KDM6A: variants seen among roughly 807,000 people sequenced by gnomAD.
KDM6A encodes lysine demethylase 6A.
A neutral mutation model predicts 117.6 loss-of-function variants in KDM6A; 11 were observed. The ratio of observed to expected loss-of-function variants is 0.09; its 90% CI spans 0.06 to 0.15. The LOEUF is 0.15. Ranked by LOEUF, KDM6A falls within the 10% of genes least tolerant of loss-of-function variation. KDM6A has a pLI of 1.00. For missense variants in KDM6A, 799 were observed against 1,077.3 expected, an observed-to-expected ratio of 0.74 and a Z score of 3.62; for synonymous variants, 384 against 396.1, an observed-to-expected ratio of 0.97 and a Z score of 0.36.
chrX:44,972,334 C>A (rs763417972), intron 3 of KDM6A, among the ~76,000 whole-genome samples: 1 of 111,183 alleles, frequency 9.0e-6, no homozygotes, highest in East Asian at 2.8e-4. Context: ...GCATCCTCCT[C>A]CCTTCCTCTG....
intron 2 of KDM6A, among the ~76,000 whole-genome samples, chrX:44,960,724 G>T (rs1330554395): frequency 8.9e-6 from 1 of 111,773 alleles, no homozygotes; most frequent in Non-Finnish European, 1.9e-5. Flanking sequence ...TAGGAAGTAA[G>T]ATCAGAAGCA....
chrX:44,963,503 G>GTCTGTC (rs766681845), intron 3 of KDM6A, among the ~76,000 whole-genome samples: 29 of 101,752 alleles, frequency 2.9e-4, no homozygotes, highest in East Asian at 1.3e-3. Flanking sequence ...GTCTGTCTCT[G>GTCTGTC]TCTGTCTGTC....
chrX:44,928,789 GTTTAC>G (rs1326761531), intron 2 of KDM6A, among the ~76,000 whole-genome samples: 3 of 111,062 alleles, frequency 2.7e-5, no homozygotes, highest in Non-Finnish European at 1.9e-5. Flanking sequence ...GGCATTTTTT[GTTTAC>G]TTTATACTTA....
At chrX:45,067,602 T>G (rs2044584079) in intron 17 of KDM6A, among the ~76,000 whole-genome samples, 1 of 110,141 alleles carries the variant, frequency 9.1e-6, no homozygotes, top group Admixed American at 9.7e-5. Context: ...ATTAAATCAT[T>G]TACAACTAAT....
intron 4 of KDM6A, among the ~76,000 whole-genome samples, chrX:44,982,888 C>T (rs1352801034): frequency 9.0e-6 from 1 of 111,557 alleles, no homozygotes; most frequent in Non-Finnish European, 1.9e-5. Flanking sequence ...TCTTCTAATT[C>T]AGATTTGTTT....
intron 4 of KDM6A, among the ~76,000 whole-genome samples, chrX:44,975,229 TTCTTA>T (rs1173876853): frequency 4.5e-5 from 5 of 111,798 alleles, no homozygotes; most frequent in African/African-American, 6.5e-5. Flanking sequence ...ATCATCCACT[TTCTTA>T]TCTTAATTTA....
intron 4 of KDM6A, among the ~76,000 whole-genome samples, chrX:44,979,285 TTTTC>T (rs1048949432): frequency 2.7e-5 from 3 of 111,087 alleles, no homozygotes; most frequent in East Asian, 2.8e-4. Flanking sequence ...TTCTTTCTTG[TTTTC>T]TTTCTTTCTT....
intron 6 of KDM6A, among the ~76,000 whole-genome samples, chrX:45,021,247 T>C (rs1378937343): frequency 8.9e-6 from 1 of 111,830 alleles, no homozygotes; most frequent in Non-Finnish European, 1.9e-5. Context: ...AAAGATGATA[T>C]GTTGTTGATT....
At chrX:45,105,304 T>C (rs2046485627) in intron 27 of KDM6A, among the ~76,000 whole-genome samples, 1 of 112,093 alleles carries the variant, frequency 8.9e-6, no homozygotes, top group Non-Finnish European at 1.9e-5. Context: ...AGAGATAACC[T>C]TTCTCCCAGG....
intron 2 of KDM6A, among the ~76,000 whole-genome samples, chrX:44,929,524 T>C (rs2036509428): frequency 8.9e-6 from 1 of 112,142 alleles, no homozygotes; most frequent in Admixed American, 9.5e-5. Context: ...ATTGAGCATA[T>C]GGATATACCA....
intron 2 of KDM6A, among the ~76,000 whole-genome samples, chrX:44,959,643 A>C (rs1294491258): frequency 9.0e-6 from 1 of 111,566 alleles, no homozygotes; most frequent in East Asian, 2.8e-4. Flanking sequence ...ATGTAAAATT[A>C]AGAATTGTAA....
At chrX:45,002,982 A>G (rs1324607222) in intron 4 of KDM6A, among the ~76,000 whole-genome samples, 1 of 107,825 alleles carries the variant, frequency 9.3e-6, no homozygotes, top group Non-Finnish European at 1.9e-5. Flanking sequence ...ATTTTTAGCA[A>G]ACTTTACTTT....
At position 44,974,681 on chromosome X, in the gene KDM6A, A is replaced by G; in HGVS notation, c.350A>G (p.Gln117Arg). 1.7e-6 allele frequency: 2 copies of G among 1,180,931 alleles called. No individual in the cohort carries two copies. Among genetic ancestry groups the G allele is most frequent in the Non-Finnish European group, 1.2e-6 (1 of 867,297 alleles). ...EDYPKALSAY[Q>R]RYYSLQSDYW... Reference sequence around the variant, plus strand: ...TTCCTTTCAGCATTATCTGCATACCAGAGGTACTACAGTTTACAGTCTGAC... The same window carrying G: ...TTCCTTTCAGCATTATCTGCATACCGGAGGTACTACAGTTTACAGTCTGAC... Residue 117 changes from glutamine (Q) to arginine (R), a missense_variant, in exon 4 of 30, where the codon CAG becomes CGG. Gln to Arg is a conservative substitution (Grantham distance 43, BLOSUM62 1). This residue lies in a region of KDM6A where 89 missense variants were observed against 117.8 expected (regional missense o/e 0.76). Coordinates refer to ENST00000611820, the MANE Select transcript of KDM6A (RefSeq NM_001291415.2).
rs187919514 is a variant in KDM6A at position 45,086,744 on chromosome X, G to C, written c.3704+765G>C. Among the ~76,000 whole-genome samples the C allele has an allele frequency of 5.4e-5, 6 of 111,938 alleles. No individual in the cohort carries two copies. The East Asian group carries it at 1.7e-3, about 31-fold the overall frequency. ...TTCAATTTGATCATTTGTCTAGATA[G>C]AACCTTACTCTCTTCTTTTCTAGAA... On this transcript the variant is annotated intron_variant, in intron 25 of 29. Transcript: ENST00000611820.
intron 2 of KDM6A, among the ~76,000 whole-genome samples, chrX:44,923,850 G>A (rs1303227441): frequency 9.0e-6 from 1 of 111,352 alleles, no homozygotes; most frequent in African/African-American, 3.3e-5. Context: ...AGCCTCCCAG[G>A]TAGCTGGGAT....
intron 2 of KDM6A, among the ~76,000 whole-genome samples, chrX:44,945,694 GTATT>G (rs977016850): frequency 3.3e-4 from 37 of 111,907 alleles, no homozygotes; most frequent in Middle Eastern, 4.6e-3. Flanking sequence ...AAGTATTTGA[GTATT>G]TAGTGTGATA....
chrX:44,979,886 C>G (rs149042073), intron 4 of KDM6A, among the ~76,000 whole-genome samples: 1 of 111,185 alleles, frequency 9.0e-6, no homozygotes, highest in Admixed American at 9.6e-5. Context: ...TTCTCTGTTA[C>G]GTTCCAGTGA....
intron 2 of KDM6A, among the ~76,000 whole-genome samples, chrX:44,936,067 A>G (rs2036949650): frequency 8.9e-6 from 1 of 112,250 alleles, no homozygotes; most frequent in Admixed American, 9.4e-5. Flanking sequence ...TCACAGTTGT[A>G]AAGGCTAAAA....
intron 2 of KDM6A, among the ~76,000 whole-genome samples, chrX:44,889,549 C>T (rs373552246): frequency 7.2e-5 from 8 of 111,422 alleles, no homozygotes; most frequent in Admixed American, 3.8e-4. Context: ...TGAGGTTGCC[C>T]AGGTTTGTGC....
Sources: gnomAD v4.1 joint callset for allele counts (sites outside exome capture counted in the v4.1 genomes callset) on GRCh38, gnomAD v4.1.1 for gene constraint, gnomAD v4.1.1 regional missense constraint, MANE v1.5 for transcripts, NCBI Gene and HGNC (gene_info 2026-07-23, HGNC 2026-07-21) for gene names.